TACO1: variants seen among roughly 807,000 people sequenced by gnomAD.
TACO1 encodes the protein translational activator of cytochrome c oxidase 1.
TACO1 carries 13 observed loss-of-function variants against 24.0 expected under a neutral mutation model. The ratio of observed to expected loss-of-function variants is 0.54; its 90% CI spans 0.35 to 0.86. The LOEUF (loss-of-function observed/expected upper bound fraction) is 0.86. Among genes scored for constraint, TACO1 ranks in the 40% least tolerant of loss-of-function variants. TACO1 has a pLI of 0.01. For synonymous variants in TACO1, 149 were observed against 153.5 expected, an observed-to-expected ratio of 0.97 and a Z score of 0.22; for missense variants, 352 against 380.1, an observed-to-expected ratio of 0.93 and a Z score of 0.61.
rs1423973849 is a variant in TACO1 at position 63,608,204 on chromosome 17, A to G, written c.*202A>G. The stretch of plus-strand genomic sequence containing the variant: ...TCAGCTCTGCTGCTGTCTCAGAGCC[A>G]TCTGGATGAGTGTCCCGACACCCTC... On this transcript the variant is annotated 3_prime_UTR_variant, in exon 5 of 5. Coordinates refer to ENST00000258975, the MANE Select transcript of TACO1 (RefSeq NM_016360.4). 3 of 647,858 alleles carry G rather than the reference A, an allele frequency of 4.6e-6. No homozygotes were observed. The East Asian group carries it at 8.4e-5, about 18-fold the overall frequency. 40.1% of individuals were successfully genotyped at this position (647,858 alleles called of 1,614,324 possible). A position where few individuals can be genotyped will look rare whatever the true frequency, so the allele number is the denominator to read the frequency against.
intron 4 of TACO1, 79 bp downstream of exon 4, chr17:63,607,543 T>C: frequency 6.8e-7 from 1 of 1,466,652 alleles, no homozygotes; most frequent in Non-Finnish European, 9.5e-7. Flanking sequence ...CTTGGTTTCT[T>C]CCTTCATGTG....
intron 3 of TACO1, 66 bp from the exon 4 acceptor site, chr17:63,607,221 T>G: frequency 1.2e-4 from 172 of 1,410,192 alleles, no homozygotes; most frequent in Non-Finnish European, 1.5e-4. Context: ...GATAGAATGA[T>G]GAGCTTTATG....
chr17:63,607,488 T>C, intron 4 of TACO1, 24 bp downstream of exon 4: 1 of 1,613,984 alleles, frequency 6.2e-7, no homozygotes, highest in Non-Finnish European at 8.5e-7. Context: ...CATGGGTGTT[T>C]GGTGGGCTTC....
chr17:63,601,356 A>C lies in TACO1; in HGVS notation c.273A>C (p.Ala91=), dbSNP rs1375036402. The C allele has an allele frequency of 6.2e-7, 1 of 1,612,566 alleles. No homozygotes were observed. The highest frequency in any genetic ancestry group is 2.2e-5 in the East Asian group (1 of 44,878). The part of the protein sequence containing the change: ...FSKLCLNIRL[A]VKEGGPNPEH... The stretch of plus-strand genomic sequence containing the variant: ...AACTCTGTTTGAACATCCGCCTGGC[A>C]GTGAAAGGTGAGACCCTGACGGTCA... The change falls in exon 1 of 5, where the codon GCA becomes GCC. Residue 91 remains alanine (A), a synonymous_variant. Coordinates refer to ENST00000258975, the MANE Select transcript of TACO1 (RefSeq NM_016360.4).
intron 3 of TACO1, 102 bp from the exon 4 acceptor site, chr17:63,607,185 C>A: frequency 9.1e-7 from 1 of 1,099,280 alleles, no homozygotes; most frequent in Non-Finnish European, 1.4e-6. Context: ...GTGTGTACTT[C>A]ATAGACTGGG....
chr17:63,601,466 C>T lies in TACO1; in HGVS notation c.280+103C>T, dbSNP rs2147786299. 5 of 1,336,736 alleles carry T rather than the reference C, an allele frequency of 3.7e-6. No homozygotes were observed. The South Asian group carries it at 5.0e-5, about 13-fold the overall frequency. The allele number at this position is 1,336,736 out of a possible 1,614,324, so 82.8% of individuals were successfully genotyped here. On this transcript the variant is annotated intron_variant, in intron 1 of 4. Coordinates refer to ENST00000258975, the MANE Select transcript of TACO1 (RefSeq NM_016360.4). ...GGGCCCACCTAGATCTCCGGCCCTT[C>T]ACTTTGTTTTCCTTCCCCAGTACCC...
chr17:63,602,157 G>A (rs2033827187), intron 1 of TACO1, among the ~76,000 whole-genome samples: 1 of 150,306 alleles, frequency 6.7e-6, no homozygotes, highest in Non-Finnish European at 1.5e-5. Context: ...CTACTCGGGA[G>A]GCTGAAGCAG....
At position 63,607,297 on chromosome 17, in the gene TACO1, G is replaced by A. The variant is rs943906927; in HGVS notation, c.526G>A (p.Ala176Thr). Residue 176 changes from alanine to threonine, a missense_variant, in exon 4 of 5, where the codon GCT (alanine) becomes ACT (threonine). Physicochemically the swap from Ala to Thr is moderately conservative, Grantham distance 58 (BLOSUM62 0). Coordinates refer to ENST00000258975, the MANE Select transcript of TACO1 (RefSeq NM_016360.4). The part of the protein sequence containing the change: ...HILNKNGGVM[A>T]VGARHSFDKK... ...TTCCTTCCCTGTCAGAGGAGTGATGGCTGTAGGAGCTCGTCACTCTTTTGA... is the reference window on the plus strand; with the variant it reads ...TTCCTTCCCTGTCAGAGGAGTGATGACTGTAGGAGCTCGTCACTCTTTTGA... 5.6e-6 allele frequency: 9 copies of A among 1,613,730 alleles called. No homozygotes were observed. Among genetic ancestry groups the A allele is most frequent in the South Asian group, 1.1e-5 (1 of 91,058 alleles).
In TACO1 at chr17:63,600,961, C is replaced by A; in HGVS notation, c.-123C>A. 1.6e-6 allele frequency: 2 copies of A among 1,214,360 alleles called. No individual in the cohort carries two copies. Among genetic ancestry groups the A allele is most frequent in the Admixed American group, 2.1e-5 (1 of 47,990 alleles). The allele number at this position is 1,214,360 out of a possible 1,614,324, so 75.2% of individuals were successfully genotyped here. A position where few individuals can be genotyped will look rare whatever the true frequency, so the allele number is the denominator to read the frequency against. On this transcript the variant is annotated 5_prime_UTR_variant, in exon 1 of 5. Coordinates refer to ENST00000258975, the MANE Select transcript of TACO1 (RefSeq NM_016360.4). ...TGAGCCGCCCCGGGCGGGCCCAAGC[C>A]TTTGGATCTCAGGTGACCGGCACAG...
Position 63,606,404 on chromosome 17 carries a change from G to T in TACO1, c.479G>T (p.Cys160Phe). ...IEALSNSSHK[C>F]QADIRHILNK... ...GCATTATCTAACAGTAGCCACAAGT[G>T]CCAAGCAGACATTAGACATATCCTG... Residue 160 changes from cysteine (C) to phenylalanine (F), a missense_variant, in exon 3 of 5, where the codon TGC (cysteine) becomes TTC (phenylalanine). Transcript: ENST00000258975. The T allele has an allele frequency of 3.7e-6, 6 of 1,614,218 alleles. No individual in the cohort carries two copies. Among genetic ancestry groups the T allele is most frequent in the Non-Finnish European group, 5.1e-6 (6 of 1,180,052 alleles).
intron 1 of TACO1, 75 bp from the exon 2 acceptor site, chr17:63,604,459 A>G (rs1598044885): frequency 7.5e-7 from 1 of 1,331,328 alleles, no homozygotes; most frequent in African/African-American, 1.4e-5. Context: ...GTGGGGCTGG[A>G]AATCCCTTTT....
rs939737533 is a variant in TACO1 at position 63,600,952 on chromosome 17, G to T, written c.-132G>T. ...ATTAGCTGTTGAGCCGCCCCGGGCG[G>T]GCCCAAGCCTTTGGATCTCAGGTGA... On this transcript the variant is annotated 5_prime_UTR_variant, in exon 1 of 5. Coordinates refer to ENST00000258975, the MANE Select transcript of TACO1 (RefSeq NM_016360.4). 2 of 1,090,540 alleles carry T rather than the reference G, an allele frequency of 1.8e-6. No homozygotes were observed. The highest frequency in any genetic ancestry group is 3.1e-5 in the African/African-American group (2 of 63,638). 67.6% of individuals were successfully genotyped at this position (1,090,540 alleles called of 1,614,324 possible). A position where few individuals can be genotyped will look rare whatever the true frequency, so the allele number is the denominator to read the frequency against.
In TACO1 at chr17:63,607,352, A is replaced by G. The variant is rs780473891; in HGVS notation, c.581A>G (p.Glu194Gly). Residue 194 changes from glutamate to glycine, a missense_variant, in exon 4 of 5, where the codon GAG becomes GGG. Physicochemically the swap from Glu to Gly is moderately conservative, Grantham distance 98. Coordinates refer to ENST00000258975, the MANE Select transcript of TACO1 (RefSeq NM_016360.4). ...DKKGVIVVEV[E>G]DREKKAVNLE... ...AAGGGGGTGATTGTGGTTGAAGTGGAGGACAGAGAGAAGAAGGCTGTGAAC... is the reference window on the plus strand; with the variant it reads ...AAGGGGGTGATTGTGGTTGAAGTGGGGGACAGAGAGAAGAAGGCTGTGAAC... The G allele has an allele frequency of 5.6e-6, 9 of 1,614,224 alleles. No individual in the cohort carries two copies. Among genetic ancestry groups the G allele is most frequent in the Non-Finnish European group, 7.6e-6 (9 of 1,180,034 alleles).
rs767318381 is a variant in TACO1 at position 63,607,919 on chromosome 17, C to T, written c.811C>T (p.Pro271Ser). 1.7e-5 allele frequency: 27 copies of T among 1,614,180 alleles called. No homozygotes were observed. The highest frequency in any genetic ancestry group is 2.2e-5 in the Non-Finnish European group (26 of 1,180,038). The change falls in exon 5 of 5, where the codon CCC becomes TCC. Residue 271 changes from proline to serine, a missense_variant. Coordinates refer to ENST00000258975, the MANE Select transcript of TACO1 (RefSeq NM_016360.4). The part of the protein sequence containing the change: ...IPNSKVQLAE[P>S]DLEQAAHLIQ... Reference sequence around the variant, plus strand: ...CAACTCAAAGGTGCAGCTGGCTGAGCCCGACCTGGAACAGGCCGCACATCT... The same window carrying T: ...CAACTCAAAGGTGCAGCTGGCTGAGTCCGACCTGGAACAGGCCGCACATCT...
intron 1 of TACO1, among the ~76,000 whole-genome samples, chr17:63,603,736 C>G (rs2033840010): frequency 6.6e-6 from 1 of 150,408 alleles, no homozygotes; most frequent in Non-Finnish European, 1.5e-5. Flanking sequence ...TCTTTTCTGG[C>G]CAGACATGGT....
chr17:63,606,441 G>C lies in TACO1; in HGVS notation c.515+1G>C, dbSNP rs1250676777. The C allele has an allele frequency of 6.2e-7, 1 of 1,614,042 alleles. No homozygotes were observed. The highest frequency in any genetic ancestry group is 1.1e-5 in the South Asian group (1 of 91,084). On this transcript the variant is annotated splice_donor_variant, in intron 3 of 4. Transcript: ENST00000258975. LOFTEE classifies it high-confidence loss of function. ...TTAGACATATCCTGAATAAGAATGG[G>C]TAAGTGTGCGTCTGGGAGGAGTGGT...
intron 1 of TACO1, 42 bp downstream of exon 1, chr17:63,601,405 T>C (rs139059185): frequency 6.2e-7 from 1 of 1,603,782 alleles, no homozygotes; most frequent in Admixed American, 1.7e-5. Flanking sequence ...GCCGCTGCCC[T>C]CTCAGTGCCC....
At position 63,606,349 on chromosome 17, in the gene TACO1, G is replaced by A. The variant is rs772924764; in HGVS notation, c.424G>A (p.Gly142Ser). Residue 142 changes from glycine (G) to serine (S), a missense_variant, in exon 3 of 5, where the codon GGC (glycine) becomes AGC (serine). Physicochemically the swap from Gly to Ser is moderately conservative, Grantham distance 56. Transcript: ENST00000258975. ...KDTYLLYEGR[G>S]PGGSSLLIEA... ...CACTTATTTGCTGTATGAGGGTCGA[G>A]GCCCTGGTGGCTCTTCTCTGCTCAT... is the stretch of plus-strand genomic sequence containing the variant. 6.8e-6 allele frequency: 11 copies of A among 1,613,910 alleles called. No homozygotes were observed. In the Admixed American group the frequency reaches 1.0e-4, roughly 15 times the overall value.
Position 63,608,257 on chromosome 17 carries a change from G to T in TACO1, c.*255G>T. 1.8e-6 allele frequency: 1 copy of T among 540,764 alleles called. No individual in the cohort carries two copies. The highest frequency in any genetic ancestry group is 2.0e-5 in the South Asian group (1 of 50,990). 33.5% of individuals were successfully genotyped at this position (540,764 alleles called of 1,614,324 possible). A position where few individuals can be genotyped will look rare whatever the true frequency, so the allele number is the denominator to read the frequency against. On this transcript the variant is annotated 3_prime_UTR_variant, in exon 5 of 5. Transcript: ENST00000258975. ...GGATGCAGGGCAGGACCACCCAGCT[G>T]GTCAGACTCTGATGTTGGGTAGCTG...
Sources: allele counts gnomAD v4.1 joint callset (sites outside exome capture counted in the v4.1 genomes callset), GRCh38; gene constraint gnomAD v4.1.1; transcripts MANE v1.5; gene names NCBI Gene and HGNC (gene_info 2026-07-23, HGNC 2026-07-21).